Variants in PRPF18 observed in about 807,000 individuals in gnomAD.
PRPF18 encodes pre-mRNA-splicing factor 18.
In PRPF18, 38 loss-of-function variants were observed where a neutral mutation model predicts 46.5. The ratio of observed to expected loss-of-function variants is 0.82; its 90% CI spans 0.63 to 1.07. The LOEUF is 1.07. PRPF18 is among the 50% of genes least tolerant of loss of function. The probability of loss-of-function intolerance (pLI) is 0.00; values close to 1 mark genes in which losing one functional copy is unlikely to be tolerated. For missense variants in PRPF18, 263 were observed against 410.0 expected (o/e 0.64, Z 3.10); for synonymous variants, 152 against 146.7 (o/e 1.04, Z -0.26).
At chr10:13,623,443 G>A (rs1394699946) in intron 9 of PRPF18, among the ~76,000 whole-genome samples, 1 of 152,174 alleles carries the variant, frequency 6.6e-6, no homozygotes, top group African/African-American at 2.4e-5. Context: ...ATTTTAAATA[G>A]CTGGGTGGAA....
intron 2 of PRPF18, among the ~76,000 whole-genome samples, 161 bp from the exon 3 acceptor site, chr10:13,600,081 CTT>C (rs2080084629): frequency 6.6e-6 from 1 of 152,174 alleles, no homozygotes; most frequent in South Asian, 2.1e-4. Flanking sequence ...GTTTGACTCT[CTT>C]TTGTAAGCAT....
the PRPF18 span, chr10:13,651,798 T>C: frequency 5.5e-6 from 4 of 725,754 alleles, no homozygotes; most frequent in Non-Finnish European, 1.0e-5. Flanking sequence ...AAGGCATAAA[T>C]ACAGCATTCA....
In PRPF18 at chr10:13,587,109, T is replaced by C; in HGVS notation, c.23T>C (p.Ile8Thr). The C allele has an allele frequency of 1.2e-6, 2 of 1,613,950 alleles. No individual in the cohort carries two copies. Among genetic ancestry groups the C allele is most frequent in the Non-Finnish European group, 1.7e-6 (2 of 1,179,944 alleles). MDILKSE[I>T]LRKRQLVEDR... ...GAGATGGACATTCTGAAATCAGAGATCCTTCGGAAGCGGCAGCTGGTGGAG... is the reference window on the plus strand; with the variant it reads ...GAGATGGACATTCTGAAATCAGAGACCCTTCGGAAGCGGCAGCTGGTGGAG... Residue 8 changes from isoleucine (I) to threonine (T), a missense_variant, in exon 1 of 10, where the codon ATC (isoleucine) becomes ACC (threonine). By Grantham distance (89) the Ile-to-Thr change is moderately conservative. This residue lies in a region of PRPF18 where 71 missense variants were observed against 69.2 expected (regional missense o/e 1.03). Transcript: ENST00000378572.
chr10:13,650,375 T>G, the PRPF18 span, among the ~76,000 whole-genome samples: 1 of 152,152 alleles, frequency 6.6e-6, no homozygotes, highest in Non-Finnish European at 1.5e-5. Flanking sequence ...CTCAGTATAA[T>G]GTATGTGTGT....
At chr10:13,619,828 T>G (rs2080397869) in intron 9 of PRPF18, among the ~76,000 whole-genome samples, 1 of 152,018 alleles carries the variant, frequency 6.6e-6, no homozygotes, top group Non-Finnish European at 1.5e-5. Context: ...TTTTTTTTAA[T>G]GAGAAGGAAA....
chr10:13,609,719 G>A (rs1403923384), intron 4 of PRPF18, among the ~76,000 whole-genome samples: 1 of 152,202 alleles, frequency 6.6e-6, no homozygotes, highest in Non-Finnish European at 1.5e-5. Context: ...ACCTGCCACT[G>A]TCACTAAGCC....
the PRPF18 span, chr10:13,654,709 C>T: frequency 1.7e-6 from 1 of 583,898 alleles, no homozygotes; most frequent in East Asian, 2.9e-5. Flanking sequence ...CATGCCCCCC[C>T]AACCTCTGCA....
chr10:13,610,210 C>A (rs200534241), intron 5 of PRPF18, 25 bp downstream of exon 5: 19 of 1,604,924 alleles, frequency 1.2e-5, no homozygotes, highest in Non-Finnish European at 1.5e-5. Context: ...AAGCCCAGCA[C>A]ATCCCTGGCA....
At position 13,594,353 on chromosome 10, in the gene PRPF18, C is replaced by T. The variant is rs142129210; in HGVS notation, c.67-3105C>T. On this transcript the variant is annotated intron_variant, in intron 1 of 9. Coordinates refer to ENST00000378572, the MANE Select transcript of PRPF18 (RefSeq NM_003675.4). ...CAAGTACACGAAGAAAATTCATCCACAGATAAGTAGTTAGAAAAAGGAGTA... is the reference window on the plus strand; with the variant it reads ...CAAGTACACGAAGAAAATTCATCCATAGATAAGTAGTTAGAAAAAGGAGTA... Among the ~76,000 whole-genome samples the T allele has an allele frequency of 1.5e-3, 232 of 152,268 alleles. 1 individual carries two copies. Among genetic ancestry groups the T allele is most frequent in the African/African-American group, 5.1e-3 (212 of 41,536 alleles).
At chr10:13,603,009 G>A (rs1254938517) in intron 3 of PRPF18, among the ~76,000 whole-genome samples, 2 of 152,220 alleles carry the variant, frequency 1.3e-5, no homozygotes, top group Admixed American at 6.5e-5. Context: ...TGGGATTACC[G>A]GCGAGGGCCA....
At chr10:13,650,110 C>G in the PRPF18 span, among the ~76,000 whole-genome samples, 1 of 152,222 alleles carries the variant, frequency 6.6e-6, no homozygotes, top group East Asian at 1.9e-4. Context: ...CGTCTGATAC[C>G]AGACAGATGG....
chr10:13,654,503 G>A, the PRPF18 span: 5 of 1,611,852 alleles, frequency 3.1e-6, no homozygotes, highest in South Asian at 1.1e-5. Flanking sequence ...CTGGCTTTGA[G>A]GTAAGGCAGC....
At chr10:13,599,945 GAGTGCAAATTTC>G (rs2080082681) in intron 2 of PRPF18, among the ~76,000 whole-genome samples, 2 of 152,196 alleles carry the variant, frequency 1.3e-5, no homozygotes, top group Non-Finnish European at 2.9e-5. Flanking sequence ...GGGAGAAAGA[GAGTGCAAATTTC>G]AGCCCTGTTA....
At chr10:13,626,209 C>A (rs576281812) in intron 9 of PRPF18, among the ~76,000 whole-genome samples, 1 of 152,266 alleles carries the variant, frequency 6.6e-6, no homozygotes, top group African/African-American at 2.4e-5. Context: ...GCTGGAGCTG[C>A]AGGGATGTCA....
chr10:13,593,380 CAG>C (rs1215376295), intron 1 of PRPF18, among the ~76,000 whole-genome samples: 1 of 152,156 alleles, frequency 6.6e-6, no homozygotes, highest in African/African-American at 2.4e-5. Context: ...TGAGATCAGT[CAG>C]AGAAGTCTCT....
chr10:13,636,083 G>A, the PRPF18 span, among the ~76,000 whole-genome samples: 1 of 152,194 alleles, frequency 6.6e-6, no homozygotes, highest in African/African-American at 2.4e-5. Flanking sequence ...GATAAAGCAA[G>A]ATTAAACAAG....
downstream of PRPF18, among the ~76,000 whole-genome samples, chr10:13,634,836 C>T (rs1234742083): frequency 1.3e-5 from 2 of 152,044 alleles, no homozygotes; most frequent in Non-Finnish European, 2.9e-5. Context: ...GTTGACAACT[C>T]ATTAATGTAT....
intron 9 of PRPF18, among the ~76,000 whole-genome samples, chr10:13,617,841 TA>T (rs1445073528): frequency 6.6e-6 from 1 of 152,066 alleles, no homozygotes; most frequent in Non-Finnish European, 1.5e-5. Context: ...CTCTTCCCAT[TA>T]AAAAAAATTC....
At chr10:13,655,550 A>AAC in the PRPF18 span, 85,487 of 151,760 alleles carry the variant, frequency 0.56, 25,738 homozygotes, top group African/African-American at 0.78. Flanking sequence ...GACCCTAATA[A>AAC]ACGTCCACGG....
Sources: allele counts gnomAD v4.1 joint callset (sites outside exome capture counted in the v4.1 genomes callset), GRCh38; gene constraint gnomAD v4.1.1; regional missense constraint gnomAD v4.1.1; transcripts MANE v1.5; gene names NCBI Gene and HGNC (gene_info 2026-07-23, HGNC 2026-07-21).